CELF2: variants seen among roughly 807,000 people sequenced by gnomAD.
CELF2 encodes CUGBP Elav-like family member 2, also known as CUG triplet repeat RNA-binding protein 2.
CELF2 carries 8 observed loss-of-function variants against 62.6 expected under a neutral mutation model. The ratio of observed to expected loss-of-function variants is 0.13; its 90% CI spans 0.07 to 0.23. The LOEUF is 0.23. Ranked by LOEUF, CELF2 falls within the 10% of genes least tolerant of loss-of-function variation. CELF2 has a pLI of 1.00. For synonymous variants in CELF2, 258 were observed against 250.0 expected (o/e 1.03, Z -0.30); for missense variants, 333 against 671.0 (o/e 0.50, Z 5.56).
intron 3 of CELF2, among the ~76,000 whole-genome samples, chr10:11,239,514 A>G (rs1442559513): frequency 6.6e-6 from 1 of 152,194 alleles, no homozygotes; most frequent in African/African-American, 2.4e-5. Context: ...CAAAATAATA[A>G]TGAAGAGGAT....
Position 10,957,018 on chromosome 10 carries a change from G to A in CELF2, c.89+37019G>A, listed in dbSNP as rs894835519. Among the ~76,000 whole-genome samples, 1 of 152,108 alleles carries A rather than the reference G, an allele frequency of 6.6e-6. No homozygotes were observed. Among genetic ancestry groups the A allele is most frequent in the African/African-American group, 2.4e-5 (1 of 41,412 alleles). ...GTCCTCTTAGAATGAGCCTAACGCT[G>A]CTTCCTATAACTCCAATGAGTGGCC... On this transcript the variant is annotated intron_variant, in intron 2 of 13. Coordinates refer to the CELF2 transcript ENST00000636488. This position sits in a 1 kb window ranked among gnomAD's most constrained non-coding sequence, Gnocchi z 4.1.
rs560132426 is a variant in CELF2 at position 11,220,934 on chromosome 10, G to A, written c.354+3427G>A. On this transcript the variant is annotated intron_variant, in intron 3 of 12. Coordinates refer to ENST00000633077, the MANE Select transcript of CELF2 (RefSeq NM_001326342.2). This position sits in a 1 kb window ranked among gnomAD's most constrained non-coding sequence, Gnocchi z 4.4. ...AGTAGCAGGGATCGAGCCCAAGGGG[G>A]CCTCTAGCTAATCTAGCTGGAAGGG... 6.6e-6 allele frequency among the ~76,000 whole-genome samples: 1 copy of A among 152,240 alleles called. No individual in the cohort carries two copies.
At chr10:10,958,694 T>A (rs2049157692) in intron 2 of CELF2, among the ~76,000 whole-genome samples, 1 of 151,900 alleles carries the variant, frequency 6.6e-6, no homozygotes, top group Admixed American at 6.6e-5. Context: ...AATTTAAAAA[T>A]TAGCCAGGCA....
rs1023153934 is a variant in CELF2, at chr10:11,159,514, G to A, written c.75-5972G>A. Among the ~76,000 whole-genome samples, 4 of 152,172 alleles carry A rather than the reference G, an allele frequency of 2.6e-5. No individual in the cohort carries two copies. Among genetic ancestry groups the A allele is most frequent in the African/African-American group, 7.2e-5 (3 of 41,430 alleles). ...GCGCTAAGTTGAGCATGGACAGGGC[G>A]CCTCCTGAGGGTAGGGCCTGAGTTT... is the stretch of plus-strand genomic sequence containing the variant. On this transcript the variant is annotated intron_variant, in intron 1 of 12. Coordinates refer to ENST00000633077, the MANE Select transcript of CELF2 (RefSeq NM_001326342.2). The surrounding 1 kb of genome is among the most constrained non-coding windows in gnomAD (Gnocchi z 5.0).
intron 1 of CELF2, chr10:11,096,360 A>C (rs2049876414): frequency 6.6e-6 from 1 of 152,204 alleles, no homozygotes; most frequent in Non-Finnish European, 1.5e-5. Flanking sequence ...TTTCCCCTTC[A>C]CGAATCCTTA....
chr10:11,320,010 T>C, intron 10 of CELF2: 1 of 365,328 alleles, frequency 2.7e-6, no homozygotes, highest in Non-Finnish European at 5.5e-6. Context: ...CCATCCTTGC[T>C]GTTTTCATAT....
intron 1 of CELF2, among the ~76,000 whole-genome samples, chr10:10,884,233 A>G (rs574131005): frequency 1.1e-4 from 17 of 152,270 alleles, no homozygotes; most frequent in African/African-American, 2.6e-4. Context: ...CAGTGACTCT[A>G]TGAAGAACAG....
the CELF2 span, among the ~76,000 whole-genome samples, chr10:10,732,977 G>A: frequency 1.3e-5 from 2 of 152,220 alleles, no homozygotes; most frequent in African/African-American, 4.8e-5. Flanking sequence ...AGCTGCTGAT[G>A]TGAACTTCAG....
At chr10:10,767,380 A>C in the CELF2 span, among the ~76,000 whole-genome samples, 2 of 152,224 alleles carry the variant, frequency 1.3e-5, no homozygotes, top group Admixed American at 1.3e-4. Context: ...AGGTGCCTCC[A>C]GAATGACATC....
chr10:11,034,204 G>T (rs1048526212), intron 1 of CELF2, among the ~76,000 whole-genome samples: 1 of 152,192 alleles, frequency 6.6e-6, no homozygotes, highest in Non-Finnish European at 1.5e-5. Flanking sequence ...TGAAGAAAGA[G>T]CTGTACTTCT....
intron 2 of CELF2, among the ~76,000 whole-genome samples, chr10:11,167,616 A>G (rs2067607068): frequency 6.6e-6 from 1 of 152,148 alleles, no homozygotes; most frequent in South Asian, 2.1e-4. Context: ...AGATGTTCCT[A>G]TGAGCAGCAT....
chr10:11,249,072 G>C (rs892682947), intron 3 of CELF2, 81 bp from the exon 4 acceptor site: 1 of 1,087,202 alleles, frequency 9.2e-7, no homozygotes, highest in African/African-American at 1.5e-5. Context: ...AACAGTATCA[G>C]TAATCGAATT....
At chr10:10,915,721 C>T (rs2134519561) in intron 1 of CELF2, among the ~76,000 whole-genome samples, 1 of 152,314 alleles carries the variant, frequency 6.6e-6, no homozygotes, top group East Asian at 1.9e-4. Flanking sequence ...AGGTGTAAGC[C>T]ACGGCACCCG....
chr10:10,878,335 G>GA (rs2061241168), intron 1 of CELF2, among the ~76,000 whole-genome samples: 1 of 152,162 alleles, frequency 6.6e-6, no homozygotes, highest in Non-Finnish European at 1.5e-5. Context: ...CCTCAGATGG[G>GA]AAAAAACAAA....
At chr10:11,053,788 G>A (rs75677434) in intron 1 of CELF2, among the ~76,000 whole-genome samples, 1 of 151,542 alleles carries the variant, frequency 6.6e-6, no homozygotes, top group African/African-American at 2.4e-5. Flanking sequence ...CTAATTTTTT[G>A]TATTTTTAGT....
chr10:11,109,196 C>T (rs373817394), intron 1 of CELF2, among the ~76,000 whole-genome samples: 1 of 152,150 alleles, frequency 6.6e-6, no homozygotes, highest in Non-Finnish European at 1.5e-5. Context: ...ACGGATCCAG[C>T]ATTTTCTCTC....
chr10:10,566,156 G>A, the CELF2 span, among the ~76,000 whole-genome samples: 2 of 152,096 alleles, frequency 1.3e-5, no homozygotes, highest in African/African-American at 4.8e-5. Flanking sequence ...TAGGAGTCCA[G>A]GGATAAGCAT....
At position 11,046,234 on chromosome 10, in the gene CELF2, C is replaced by G. The variant is rs1411624107; in HGVS notation, c.74+28071C>G. Among the ~76,000 whole-genome samples the G allele has an allele frequency of 4.6e-5, 7 of 152,292 alleles. No individual in the cohort carries two copies. In the East Asian group the frequency reaches 1.2e-3, roughly 25 times the overall value. ...ACGCTGGGCCCATCCCCAGACGTTC[C>G]GATTCAGCGGGTCCAAGGTGGGGCT... On this transcript the variant is annotated intron_variant, in intron 1 of 12. Transcript: ENST00000633077. This position sits in a 1 kb window ranked among gnomAD's most constrained non-coding sequence, Gnocchi z 4.6.
chr10:10,802,162 A>G (rs1331517859), intron 1 of CELF2, among the ~76,000 whole-genome samples: 1 of 152,222 alleles, frequency 6.6e-6, no homozygotes, highest in Non-Finnish European at 1.5e-5. Flanking sequence ...TTGACACTGT[A>G]TTAGACCTAT....
Sources: allele counts gnomAD v4.1 joint callset (sites outside exome capture counted in the v4.1 genomes callset), GRCh38; gene constraint gnomAD v4.1.1; non-coding constraint Gnocchi (gnomAD v3.1); transcripts MANE v1.5; gene names NCBI Gene and HGNC (gene_info 2026-07-23, HGNC 2026-07-21).